Variants in ARSB observed in about 807,000 individuals in gnomAD.
ARSB encodes the protein arylsulfatase B.
ARSB carries 41 observed loss-of-function variants against 50.9 expected under a neutral mutation model. That is an observed-to-expected ratio of 0.81 (90% confidence interval 0.63 to 1.04). The LOEUF (loss-of-function observed/expected upper bound fraction) is 1.04, where lower values mean the gene tolerates loss of function less well. Ranked by LOEUF, ARSB falls within the 50% of genes least tolerant of loss-of-function variation. The probability of loss-of-function intolerance (pLI) is 0.00; values close to 1 mark genes in which losing one functional copy is unlikely to be tolerated. For missense variants in ARSB, 672 were observed against 693.3 expected, an observed-to-expected ratio of 0.97 and a Z score of 0.35; for synonymous variants, 269 against 284.8, an observed-to-expected ratio of 0.94 and a Z score of 0.56.
At chr5:78,869,603 C>T (rs1747009170) in intron 5 of ARSB, among the ~76,000 whole-genome samples, 1 of 151,942 alleles carries the variant, frequency 6.6e-6, no homozygotes, top group African/African-American at 2.4e-5. Flanking sequence ...TAAAGATGTT[C>T]TTTGAAACCA....
chr5:78,859,430 T>A (rs1410225292), intron 5 of ARSB, among the ~76,000 whole-genome samples: 1 of 152,180 alleles, frequency 6.6e-6, no homozygotes, highest in South Asian at 2.1e-4. Context: ...GACTTCTGGG[T>A]TAATTCAGGA....
intron 5 of ARSB, among the ~76,000 whole-genome samples, chr5:78,843,461 A>G (rs1475535034): frequency 6.6e-6 from 1 of 152,210 alleles, no homozygotes; most frequent in African/African-American, 2.4e-5. Flanking sequence ...CTCTTAAAAA[A>G]TACTGATGCA....
chr5:78,889,949 C>T (rs1275293476), intron 4 of ARSB, among the ~76,000 whole-genome samples: 4 of 152,196 alleles, frequency 2.6e-5, no homozygotes, highest in African/African-American at 7.2e-5. Flanking sequence ...AAGGCTCTAG[C>T]AGCCTCATAC....
intron 4 of ARSB, among the ~76,000 whole-genome samples, chr5:78,924,938 A>G (rs1359102050): frequency 1.3e-5 from 2 of 152,216 alleles, no homozygotes; most frequent in African/African-American, 4.8e-5. Flanking sequence ...AGAAAGATCC[A>G]CCGACCATTA....
intron 6 of ARSB, among the ~76,000 whole-genome samples, chr5:78,795,661 A>G (rs1230003543): frequency 6.6e-6 from 1 of 152,244 alleles, no homozygotes; most frequent in African/African-American, 2.4e-5. Context: ...AACACGAAAC[A>G]GGAGTGTTGG....
At chr5:78,782,517 T>C (rs1196995225) in intron 6 of ARSB, among the ~76,000 whole-genome samples, 1 of 152,186 alleles carries the variant, frequency 6.6e-6, no homozygotes, top group African/African-American at 2.4e-5. Context: ...AGGATAACTA[T>C]GGGGGTAAGA....
At chr5:78,847,962 A>G (rs1326386240) in intron 5 of ARSB, among the ~76,000 whole-genome samples, 1 of 152,020 alleles carries the variant, frequency 6.6e-6, no homozygotes, top group Non-Finnish European at 1.5e-5. Context: ...TGATTCATCT[A>G]GCTAATTATT....
At chr5:78,966,453 C>T (rs558308676) in intron 2 of ARSB, among the ~76,000 whole-genome samples, 10 of 152,360 alleles carry the variant, frequency 6.6e-5, no homozygotes, top group African/African-American at 2.2e-4. Flanking sequence ...CCACACAAGT[C>T]ACTCATTTAA....
intron 1 of ARSB, among the ~76,000 whole-genome samples, chr5:78,971,711 T>C (rs1375653188): frequency 2.0e-5 from 3 of 152,174 alleles, no homozygotes; most frequent in Non-Finnish European, 4.4e-5. Flanking sequence ...ATGATCTCTT[T>C]CCACATCCTC....
chr5:78,871,905 G>A (rs201523361), intron 5 of ARSB, among the ~76,000 whole-genome samples: 25 of 148,124 alleles, frequency 1.7e-4, no homozygotes, highest in South Asian at 4.4e-4. Context: ...GAAAATTTTC[G>A]CAACCTACTC....
Position 78,955,315 on chromosome 5 carries a change from G to C in ARSB, c.878C>G (p.Thr293Arg). The C allele has an allele frequency of 6.2e-7, 1 of 1,614,116 alleles. No homozygotes were observed. The highest frequency in any genetic ancestry group is 8.5e-7 in the Non-Finnish European group (1 of 1,180,004). Residue 293 changes from threonine (T) to arginine (R), a missense_variant, in exon 4 of 8, where the codon ACG (threonine) becomes AGG (arginine). Physicochemically the swap from Thr to Arg is moderately conservative, Grantham distance 71 (BLOSUM62 -1). Transcript: ENST00000264914. ...ALKSSGLWNN[T>R]VFIFSTDNGG... Reference sequence around the variant, plus strand: ...CTTACCTGTAGAAAAGATGAACACCGTGTTGTTCCAGAGCCCACTGCTTTT... The same window carrying C: ...CTTACCTGTAGAAAAGATGAACACCCTGTTGTTCCAGAGCCCACTGCTTTT...
chr5:78,887,996 A>G (rs917071003), intron 4 of ARSB, among the ~76,000 whole-genome samples: 1 of 152,212 alleles, frequency 6.6e-6, no homozygotes, highest in Non-Finnish European at 1.5e-5. Context: ...CTGCCAAGGA[A>G]ACTTTTGGTG....
At position 78,944,474 on chromosome 5, in the gene ARSB, G is replaced by C. The variant is rs531876546; in HGVS notation, c.898+10821C>G. Among the ~76,000 whole-genome samples the C allele has an allele frequency of 2.6e-5, 4 of 152,300 alleles. No individual in the cohort carries two copies. The South Asian group carries it at 8.3e-4, about 32-fold the overall frequency. On this transcript the variant is annotated intron_variant, in intron 4 of 7. Coordinates refer to ENST00000264914, the MANE Select transcript of ARSB (RefSeq NM_000046.5). ...GGGTTTTGGTGTGGATGTCCTTTCT[G>C]TTTGTTAGTTTTCCTTCTAACAGTC...
At chr5:78,966,392 A>T (rs1752207021) in intron 2 of ARSB, among the ~76,000 whole-genome samples, 1 of 147,894 alleles carries the variant, frequency 6.8e-6, no homozygotes, top group African/African-American at 2.4e-5. Flanking sequence ...TGAACAACCA[A>T]ATCTTCTCTG....
intron 5 of ARSB, among the ~76,000 whole-genome samples, chr5:78,859,829 A>G (rs920365629): frequency 7.9e-5 from 12 of 151,990 alleles, no homozygotes; most frequent in Admixed American, 2.0e-4. Context: ...CCCCACAGCA[A>G]GCAGCAGACT....
intron 6 of ARSB, among the ~76,000 whole-genome samples, chr5:78,830,622 C>T (rs938728571): frequency 6.6e-6 from 1 of 152,104 alleles, no homozygotes; most frequent in African/African-American, 2.4e-5. Context: ...TTGAGATGTG[C>T]TGTGTGAAGT....
At chr5:78,928,305 CTTTTTTTTTTTTT>C (rs34737292) in intron 4 of ARSB, among the ~76,000 whole-genome samples, 1 of 72,574 alleles carries the variant, frequency 1.4e-5, no homozygotes. Flanking sequence ...TTTGCTTTTG[CTTTTTTTTTTTTT>C]TTTTTTTTTT....
At chr5:78,981,675 C>T (rs932164238) in intron 1 of ARSB, among the ~76,000 whole-genome samples, 1 of 152,222 alleles carries the variant, frequency 6.6e-6, no homozygotes, top group African/African-American at 2.4e-5. Flanking sequence ...CCAGCGAGGT[C>T]ACAGTCTGAC....
chr5:78,909,252 A>G (rs186818), intron 4 of ARSB, among the ~76,000 whole-genome samples: 104,613 of 151,990 alleles, frequency 0.69, 36,222 homozygotes, highest in South Asian at 0.79. Flanking sequence ...TCCAGAGAGT[A>G]CTTGACTTAG....
Sources: gnomAD v4.1 joint callset for allele counts (sites outside exome capture counted in the v4.1 genomes callset) on GRCh38, gnomAD v4.1.1 for gene constraint, MANE v1.5 for transcripts, NCBI Gene and HGNC (gene_info 2026-07-23, HGNC 2026-07-21) for gene names.